Variants in PXDNL observed in about 807,000 individuals in gnomAD.
PXDNL encodes the protein peroxidasin like, also known as probable oxidoreductase PXDNL.
PXDNL carries 145 observed loss-of-function variants against 150.8 expected under a neutral mutation model. That is an observed-to-expected ratio of 0.96 (90% CI 0.84 to 1.10). The LOEUF is 1.10. Ranked by LOEUF, PXDNL falls within the 50% of genes least tolerant of loss-of-function variation. The pLI, the probability that PXDNL is intolerant of heterozygous loss-of-function variation, is 0.00. For missense variants in PXDNL, 2,087 were observed against 1,873.9 expected (o/e 1.11, Z -2.10); for synonymous variants, 757 against 725.7 (o/e 1.04, Z -0.69).
At chr8:51,761,119 C>T (rs138678102) in intron 1 of PXDNL, among the ~76,000 whole-genome samples, 2,102 of 150,608 alleles carry the variant, frequency 0.014, 30 homozygotes, top group Middle Eastern at 0.045. Flanking sequence ...GTGATCCGCC[C>T]GCCTCGGCCT....
At chr8:51,524,508 C>G (rs1811728392) in intron 4 of PXDNL, among the ~76,000 whole-genome samples, 1 of 152,042 alleles carries the variant, frequency 6.6e-6, no homozygotes, top group Admixed American at 6.6e-5. Flanking sequence ...TGTGAAATAC[C>G]ATCACAAATC....
chr8:51,423,862 G>A, intron 13 of PXDNL, 131 bp from the exon 14 acceptor site: 1 of 696,568 alleles, frequency 1.4e-6, no homozygotes. Flanking sequence ...AAGTACTGGA[G>A]GAGATACATG....
chr8:51,397,013 G>T (rs1808102979), intron 17 of PXDNL, among the ~76,000 whole-genome samples: 1 of 152,154 alleles, frequency 6.6e-6, no homozygotes. Context: ...CCACTCAACT[G>T]TGGTCTTCAC....
At chr8:51,498,142 G>T (rs970569891) in intron 5 of PXDNL, among the ~76,000 whole-genome samples, 1 of 152,042 alleles carries the variant, frequency 6.6e-6, no homozygotes, top group African/African-American at 2.4e-5. Context: ...GGACATGGAT[G>T]AAACTGGAAA....
chr8:51,567,863 C>A (rs182857973), intron 3 of PXDNL, among the ~76,000 whole-genome samples: 12 of 151,816 alleles, frequency 7.9e-5, no homozygotes, highest in Admixed American at 7.2e-4. Flanking sequence ...ACTGATAATA[C>A]CTAATACAAT....
At chr8:51,546,615 A>T (rs932612714) in intron 4 of PXDNL, among the ~76,000 whole-genome samples, 5 of 152,190 alleles carry the variant, frequency 3.3e-5, no homozygotes, top group African/African-American at 1.2e-4. Flanking sequence ...AACTTTCCTG[A>T]ACAAAATCTG....
chr8:51,689,020 G>A (rs1026813002), intron 1 of PXDNL, among the ~76,000 whole-genome samples: 1 of 152,154 alleles, frequency 6.6e-6, no homozygotes, highest in Non-Finnish European at 1.5e-5. Context: ...ACGCCATTAG[G>A]AATCGGGAAT....
chr8:51,484,334 C>T (rs35631122), intron 5 of PXDNL, among the ~76,000 whole-genome samples: 73,076 of 150,790 alleles, frequency 0.48, 20,821 homozygotes, highest in Non-Finnish European at 0.63. Flanking sequence ...ACTCCAGAGG[C>T]TGAGGCATGA....
chr8:51,333,635 A>G (rs1805755069), intron 21 of PXDNL, among the ~76,000 whole-genome samples: 1 of 152,210 alleles, frequency 6.6e-6, no homozygotes, highest in Non-Finnish European at 1.5e-5. Flanking sequence ...ACATAAACTT[A>G]AAGTAAAGGG....
At chr8:51,362,485 A>G (rs1278770661) in intron 19 of PXDNL, among the ~76,000 whole-genome samples, 5 of 152,048 alleles carry the variant, frequency 3.3e-5, no homozygotes, top group East Asian at 1.9e-4. Context: ...TACATTAGAA[A>G]CTCTTGCCAT....
chr8:51,601,296 C>A (rs1438579892), intron 2 of PXDNL, among the ~76,000 whole-genome samples: 1 of 151,788 alleles, frequency 6.6e-6, no homozygotes, highest in South Asian at 2.1e-4. Flanking sequence ...TGCCTTGATG[C>A]TCTGTCCAAT....
intron 3 of PXDNL, among the ~76,000 whole-genome samples, chr8:51,585,015 G>C (rs1044296809): frequency 1.3e-5 from 2 of 152,088 alleles, no homozygotes; most frequent in Non-Finnish European, 2.9e-5. Context: ...AGAAACTTTA[G>C]GACTTAACAA....
At chr8:51,719,838 A>G (rs1266877411) in intron 1 of PXDNL, among the ~76,000 whole-genome samples, 1 of 152,116 alleles carries the variant, frequency 6.6e-6, no homozygotes, top group African/African-American at 2.4e-5. Flanking sequence ...GGATTCAAGC[A>G]GAATATTTTT....
At chr8:51,578,001 G>GAAA (rs1813115720) in intron 3 of PXDNL, among the ~76,000 whole-genome samples, 13 of 53,036 alleles carry the variant, frequency 2.5e-4, no homozygotes, top group South Asian at 6.2e-4. Context: ...GAAAGAAAGA[G>GAAA]GAAGGAAGGA....
At chr8:51,360,153 A>C (rs1237598278) in intron 19 of PXDNL, among the ~76,000 whole-genome samples, 1 of 152,146 alleles carries the variant, frequency 6.6e-6, no homozygotes, top group Non-Finnish European at 1.5e-5. Flanking sequence ...ACACGTATAT[A>C]CCTATACATG....
At position 51,411,216 on chromosome 8, in the gene PXDNL, A is replaced by C. The variant is rs1272204865; in HGVS notation, c.2062+34T>G. The C allele has an allele frequency of 2.9e-6, 4 of 1,390,654 alleles. No homozygotes were observed. The East Asian group carries it at 8.2e-5, about 29-fold the overall frequency. 86.1% of individuals were successfully genotyped at this position (1,390,654 alleles called of 1,614,324 possible). A position where few individuals can be genotyped will look rare whatever the true frequency, so the allele number is the denominator to read the frequency against. On this transcript the variant is annotated intron_variant, in intron 16 of 22. Transcript: ENST00000356297. ...GGTGGTGGTCAGTTTTTCTGTGGGC[A>C]GTAGGCTGAGAATAAAATGGCTTTG... is the stretch of plus-strand genomic sequence containing the variant.
At chr8:51,575,187 G>T (rs1225211392) in intron 3 of PXDNL, among the ~76,000 whole-genome samples, 1 of 151,776 alleles carries the variant, frequency 6.6e-6, no homozygotes, top group Non-Finnish European at 1.5e-5. Context: ...TGATACTTGA[G>T]GAGAATGTGA....
chr8:51,406,693 T>C (rs1201619178), intron 17 of PXDNL, among the ~76,000 whole-genome samples: 1 of 152,218 alleles, frequency 6.6e-6, no homozygotes, highest in Non-Finnish European at 1.5e-5. Context: ...AGTGGCTTGC[T>C]GTGAGCCTTC....
At chr8:51,519,106 A>C (rs998256271) in intron 4 of PXDNL, among the ~76,000 whole-genome samples, 8 of 152,234 alleles carry the variant, frequency 5.3e-5, no homozygotes, top group African/African-American at 1.9e-4. Flanking sequence ...GAATTTGAGA[A>C]GAAATACAAG....
Sources: gnomAD v4.1 joint callset for allele counts (sites outside exome capture counted in the v4.1 genomes callset) on GRCh38, gnomAD v4.1.1 for gene constraint, MANE v1.5 for transcripts, NCBI Gene and HGNC (gene_info 2026-07-23, HGNC 2026-07-21) for gene names.